L3MBTL3: variants seen among roughly 807,000 people sequenced by gnomAD.
The protein encoded by L3MBTL3 is L3MBTL histone methyl-lysine binding protein 3, also known as lethal(3)malignant brain tumor-like protein 3.
Under a neutral mutation model 102.3 loss-of-function variants are expected in L3MBTL3, and 27 were observed. That is an observed-to-expected ratio of 0.26 (90% CI 0.19 to 0.36). The LOEUF (loss-of-function observed/expected upper bound fraction) is 0.36, where lower values mean the gene tolerates loss of function less well. L3MBTL3 is among the 10% of genes least tolerant of loss of function. The pLI, the probability that L3MBTL3 is intolerant of heterozygous loss-of-function variation, is 1.00. For missense variants in L3MBTL3, 798 were observed against 955.3 expected, an observed-to-expected ratio of 0.84 and a Z score of 2.17; for synonymous variants, 340 against 320.9, an observed-to-expected ratio of 1.06 and a Z score of -0.64.
intron 12 of L3MBTL3, among the ~76,000 whole-genome samples, chr6:130,070,424 T>C (rs1401510655): frequency 1.3e-5 from 2 of 152,214 alleles, no homozygotes; most frequent in African/African-American, 4.8e-5. Context: ...ATAAAATATA[T>C]CTGTAGTGTT....
At chr6:130,103,077 G>C (rs931111210) in intron 18 of L3MBTL3, among the ~76,000 whole-genome samples, 4 of 152,190 alleles carry the variant, frequency 2.6e-5, no homozygotes, top group Non-Finnish European at 5.9e-5. Flanking sequence ...CTTAACTGTT[G>C]TAAGCTTTAA....
chr6:130,057,649 C>T (rs1005788978), intron 9 of L3MBTL3, 152 bp downstream of exon 9: 3 of 663,708 alleles, frequency 4.5e-6, no homozygotes, highest in Admixed American at 5.7e-5. Flanking sequence ...GCAGTGAACA[C>T]TGACTTGTGC....
rs140903489 is a variant in L3MBTL3, at chr6:130,076,575, A to G, written c.1245-1983A>G. Among the ~76,000 whole-genome samples, 127 of 152,344 alleles carry G rather than the reference A, an allele frequency of 8.3e-4. 1 individual carries two copies. Among genetic ancestry groups the G allele is most frequent in the African/African-American group, 2.9e-3 (119 of 41,584 alleles). On this transcript the variant is annotated intron_variant, in intron 13 of 22. Coordinates refer to ENST00000361794, the MANE Select transcript of L3MBTL3 (RefSeq NM_032438.4). Reference sequence around the variant, plus strand: ...GCACTTACACATGAAATGTATTTCAAAAATTTGAAATGGAGGCTTCTTTCA... The same window carrying G: ...GCACTTACACATGAAATGTATTTCAGAAATTTGAAATGGAGGCTTCTTTCA...
At chr6:130,102,111 A>G (rs1582570063) in intron 18 of L3MBTL3, among the ~76,000 whole-genome samples, 1 of 151,508 alleles carries the variant, frequency 6.6e-6, no homozygotes, top group East Asian at 1.9e-4. Flanking sequence ...GAAAAAAAAA[A>G]GGCACCTCTG....
chr6:130,066,651 A>G (rs1475651726), intron 11 of L3MBTL3, among the ~76,000 whole-genome samples, 163 bp downstream of exon 11: 1 of 152,196 alleles, frequency 6.6e-6, no homozygotes, highest in Non-Finnish European at 1.5e-5. Context: ...TAAAGAAATA[A>G]AAGCAGAATC....
At position 130,077,032 on chromosome 6, in the gene L3MBTL3, C is replaced by T. The variant is rs192198140; in HGVS notation, c.1245-1526C>T. On this transcript the variant is annotated intron_variant, in intron 13 of 22. Coordinates refer to ENST00000361794, the MANE Select transcript of L3MBTL3 (RefSeq NM_032438.4). ...CAAAGAGTAATATTCAGTGTTTCTA[C>T]TTTAAAATAAACACTGTGAGTCCGA... Among the ~76,000 whole-genome samples, 115 of 152,136 alleles carry T rather than the reference C, an allele frequency of 7.6e-4. No homozygotes were observed. In the East Asian group the frequency reaches 0.017, roughly 23 times the overall value.
At chr6:130,137,073 A>G (rs761681667) in intron 22 of L3MBTL3, among the ~76,000 whole-genome samples, 1 of 152,262 alleles carries the variant, frequency 6.6e-6, no homozygotes, top group Non-Finnish European at 1.5e-5. Flanking sequence ...TCTAAGCCCA[A>G]GAAGAGTGTT....
intron 19 of L3MBTL3, among the ~76,000 whole-genome samples, chr6:130,106,188 T>A (rs1466739713): frequency 6.6e-6 from 1 of 152,212 alleles, no homozygotes; most frequent in Non-Finnish European, 1.5e-5. Context: ...AACCTAATTA[T>A]TGATTACCTA....
chr6:130,035,414 TGAG>T (rs1452933693), intron 2 of L3MBTL3, among the ~76,000 whole-genome samples: 1 of 152,158 alleles, frequency 6.6e-6, no homozygotes, highest in Non-Finnish European at 1.5e-5. Flanking sequence ...GGTTTGGAGA[TGAG>T]GAGTGGTGTA....
At chr6:130,060,838 C>T (rs1210506292) in intron 10 of L3MBTL3, among the ~76,000 whole-genome samples, 4 of 151,930 alleles carry the variant, frequency 2.6e-5, no homozygotes, top group Admixed American at 6.6e-5. Flanking sequence ...TCTCCTTGCT[C>T]CCTCCCTTGA....
chr6:130,022,421 G>T (rs1174853328), intron 2 of L3MBTL3, 116 bp downstream of exon 2: 1 of 152,200 alleles, frequency 6.6e-6, no homozygotes, highest in African/African-American at 2.4e-5. Context: ...ATCATTTTGT[G>T]GGGCTGCTTT....
chr6:130,107,440 T>G (rs911575213), intron 19 of L3MBTL3, among the ~76,000 whole-genome samples: 42 of 152,312 alleles, frequency 2.8e-4, no homozygotes, highest in African/African-American at 9.1e-4. Flanking sequence ...ATCCTGAGCT[T>G]TCTGTTTAAC....
chr6:130,124,981 A>T (rs1369602649), intron 20 of L3MBTL3, among the ~76,000 whole-genome samples: 2 of 152,136 alleles, frequency 1.3e-5, no homozygotes, highest in East Asian at 3.9e-4. Flanking sequence ...AAAAAAAAAA[A>T]AATAAAATAA....
At chr6:130,090,552 T>C (rs760800635) in intron 16 of L3MBTL3, among the ~76,000 whole-genome samples, 1 of 152,148 alleles carries the variant, frequency 6.6e-6, no homozygotes. Flanking sequence ...AGTTTTTAAA[T>C]TATAAGTGAA....
intron 19 of L3MBTL3, among the ~76,000 whole-genome samples, chr6:130,105,733 G>C (rs975705690): frequency 3.3e-5 from 5 of 151,940 alleles, no homozygotes; most frequent in African/African-American, 7.3e-5. Flanking sequence ...ATACGCTTTA[G>C]ATTTCAAAAT....
intron 13 of L3MBTL3, among the ~76,000 whole-genome samples, chr6:130,077,690 C>G (rs538237837): frequency 6.6e-6 from 1 of 152,198 alleles, no homozygotes; most frequent in Non-Finnish European, 1.5e-5. Context: ...TCCTTATTCC[C>G]TGGAAACTCC....
At chr6:130,047,577 G>A (rs1158005110) in intron 3 of L3MBTL3, among the ~76,000 whole-genome samples, 2 of 152,120 alleles carry the variant, frequency 1.3e-5, no homozygotes, top group Non-Finnish European at 2.9e-5. Flanking sequence ...CTTACATTTT[G>A]TATTTGTCAA....
intron 16 of L3MBTL3, among the ~76,000 whole-genome samples, chr6:130,089,392 G>A (rs1349977223): frequency 1.3e-5 from 2 of 152,102 alleles, no homozygotes; most frequent in African/African-American, 4.8e-5. Flanking sequence ...CAGAAGACAT[G>A]AACTCATCCT....
At chr6:130,107,947 G>C (rs1304663681) in intron 19 of L3MBTL3, among the ~76,000 whole-genome samples, 1 of 152,178 alleles carries the variant, frequency 6.6e-6, no homozygotes, top group African/African-American at 2.4e-5. Context: ...AAATGAGTGA[G>C]TGGTTGAAGC....
Sources: allele counts gnomAD v4.1 joint callset (sites outside exome capture counted in the v4.1 genomes callset), GRCh38; gene constraint gnomAD v4.1.1; transcripts MANE v1.5; gene names NCBI Gene and HGNC (gene_info 2026-07-23, HGNC 2026-07-21).